CPNE9: variants seen among roughly 807,000 people sequenced by gnomAD.
The protein encoded by CPNE9 is copine-9.
Under a neutral mutation model 83.0 loss-of-function variants are expected in CPNE9, and 59 were observed. The ratio of observed to expected loss-of-function variants is 0.71; its 90% CI spans 0.58 to 0.88. CPNE9 has a LOEUF of 0.88. CPNE9 is among the 40% of genes least tolerant of loss of function. CPNE9 has a pLI of 0.00. For synonymous variants in CPNE9, 256 were observed against 273.4 expected, an observed-to-expected ratio of 0.94 and a Z score of 0.63; for missense variants, 619 against 720.8, an observed-to-expected ratio of 0.86 and a Z score of 1.62.
At position 9,715,530 on chromosome 3, in the gene CPNE9, A is replaced by C. The variant is rs2076674571; in HGVS notation, c.822+4A>C. 2 of 1,612,924 alleles carry C rather than the reference A, an allele frequency of 1.2e-6. No homozygotes were observed. The highest frequency in any genetic ancestry group is 2.2e-5 in the South Asian group (2 of 91,070). On this transcript the variant is annotated splice_donor_region_variant and intron_variant, in intron 13 of 20. Transcript: ENST00000383832. ...GAAATATGTCAACTCAGGAACTGTG[A>C]GTGCTCCCTAGAGCCGTGGCCCTCC...
chr3:9,708,870 A>G (rs1040670961), intron 7 of CPNE9, among the ~76,000 whole-genome samples: 1 of 151,318 alleles, frequency 6.6e-6, no homozygotes, highest in Non-Finnish European at 1.5e-5. Context: ...TCCTGACCTC[A>G]TGATCCGCCC....
intron 14 of CPNE9, among the ~76,000 whole-genome samples, chr3:9,716,716 C>A (rs1242012338): frequency 4.6e-5 from 7 of 152,236 alleles, no homozygotes; most frequent in Admixed American, 4.6e-4. Flanking sequence ...AGGTGATCCA[C>A]CCTCCTCAGC....
chr3:9,729,456 T>C, intron 20 of CPNE9, 51 bp from the exon 21 acceptor site: 1 of 1,549,840 alleles, frequency 6.5e-7, no homozygotes, highest in South Asian at 1.2e-5. Context: ...TGCACCCCCA[T>C]GCCCTCTCTC....
chr3:9,711,439 G>T (rs2076627179), intron 7 of CPNE9, among the ~76,000 whole-genome samples: 1 of 151,844 alleles, frequency 6.6e-6, no homozygotes, highest in South Asian at 2.1e-4. Flanking sequence ...CTGGTCTCGA[G>T]CTCCCGACCT....
chr3:9,713,203 TG>T, intron 10 of CPNE9, 124 bp downstream of exon 10: 1 of 737,258 alleles, frequency 1.4e-6, no homozygotes, highest in Non-Finnish European at 2.3e-6. Context: ...AGACAGAGTT[TG>T]GGGCATGAGG....
In CPNE9 at chr3:9,714,508, T is replaced by G. The variant is rs920863506; in HGVS notation, c.651-406T>G. 1.1e-4 allele frequency among the ~76,000 whole-genome samples: 17 copies of G among 151,760 alleles called. 1 individual carries two copies. Among genetic ancestry groups the G allele is most frequent in the Admixed American group, 7.9e-4 (12 of 15,242 alleles). ...CTTAGCCAAATTACTTTTTTTTTTT[T>G]GTATCTCAATTTCCTTATCCCAAAA... is the stretch of plus-strand genomic sequence containing the variant. On this transcript the variant is annotated intron_variant, in intron 10 of 20. Coordinates refer to ENST00000383832, the MANE Select transcript of CPNE9 (RefSeq NM_153635.3).
intron 10 of CPNE9, 96 bp from the exon 11 acceptor site, chr3:9,714,818 G>A: frequency 9.8e-7 from 1 of 1,019,934 alleles, no homozygotes; most frequent in Non-Finnish European, 1.5e-6. Context: ...AGACAGATGG[G>A]TGGATGGGGA....
chr3:9,721,150 A>G (rs1047465963), intron 17 of CPNE9, among the ~76,000 whole-genome samples: 3 of 152,216 alleles, frequency 2.0e-5, no homozygotes, highest in African/African-American at 7.2e-5. Flanking sequence ...GATGAATCAG[A>G]TCTAGTCCCT....
chr3:9,710,871 A>T (rs977984768), intron 7 of CPNE9, among the ~76,000 whole-genome samples: 2 of 152,040 alleles, frequency 1.3e-5, no homozygotes, highest in African/African-American at 4.8e-5. Context: ...AAAAAGTAAA[A>T]ATTTTAAAAT....
At chr3:9,713,153 G>T in intron 10 of CPNE9, 74 bp downstream of exon 10, 1 of 1,122,148 alleles carries the variant, frequency 8.9e-7, no homozygotes, top group Non-Finnish European at 1.3e-6. Context: ...AAGAATGATA[G>T]TAGAAGTATC....
In CPNE9 at chr3:9,728,769, T is replaced by G. The variant is rs1188220197; in HGVS notation, c.1477-738T>G. On this transcript the variant is annotated intron_variant, in intron 20 of 20. Coordinates refer to ENST00000383832, the MANE Select transcript of CPNE9 (RefSeq NM_153635.3). ...CAGCCCCTCTCCCCCCACATCTCAT[T>G]TCTTCTCCTCTCCCTAAGTCCCTCT... Among the ~76,000 whole-genome samples, 3 of 151,634 alleles carry G rather than the reference T, an allele frequency of 2.0e-5. No homozygotes were observed. In the East Asian group the frequency reaches 5.8e-4, roughly 29 times the overall value.
rs1253991696 is a variant in CPNE9 at position 9,704,458 on chromosome 3, T to TG, written c.69-124dup. ...GAGTGCTGACAGAGCGGACCCCGGC[T>TG]GGGGGTAGCCATGGGGGACAGAGGT... is the stretch of plus-strand genomic sequence containing the variant. On this transcript the variant is annotated intron_variant, in intron 1 of 20. Coordinates refer to ENST00000383832, the MANE Select transcript of CPNE9 (RefSeq NM_153635.3). This position sits in a 1 kb window ranked among gnomAD's most constrained non-coding sequence, Gnocchi z 7.1. The TG allele has an allele frequency of 1.3e-5, 11 of 832,296 alleles. No homozygotes were observed. In the East Asian group the frequency reaches 2.2e-4, roughly 16 times the overall value. The allele number at this position is 832,296 out of a possible 1,614,324, so 51.6% of individuals were successfully genotyped here. A position where few individuals can be genotyped will look rare whatever the true frequency, so the allele number is the denominator to read the frequency against.
Position 9,705,970 on chromosome 3 carries a change from C to T in CPNE9, c.301-17C>T. On this transcript the variant is annotated splice_polypyrimidine_tract_variant and intron_variant, in intron 6 of 20. Transcript: ENST00000383832. ...ACTCAAGAGCTTCTGGTCTTGCTGA[C>T]TCCTTGTCCTGCATAGGATTTCCTG... 6.2e-7 allele frequency: 1 copy of T among 1,612,334 alleles called. No individual in the cohort carries two copies. The highest frequency in any genetic ancestry group is 1.1e-5 in the South Asian group (1 of 91,074).
At chr3:9,705,321 C>A (rs1333435040) in intron 4 of CPNE9, 143 bp from the exon 5 acceptor site, 4 of 694,064 alleles carry the variant, frequency 5.8e-6, no homozygotes, top group Non-Finnish European at 1.0e-5. Context: ...CCTGACTCCT[C>A]CCCAAAAGGA....
intron 17 of CPNE9, among the ~76,000 whole-genome samples, chr3:9,720,760 A>G (rs2076726914): frequency 6.6e-6 from 1 of 152,152 alleles, no homozygotes; most frequent in Admixed American, 6.5e-5. Flanking sequence ...TATCTTATGC[A>G]ACTACACTAA....
intron 17 of CPNE9, among the ~76,000 whole-genome samples, chr3:9,725,649 T>C (rs1254483883): frequency 8.8e-6 from 1 of 113,364 alleles, no homozygotes; most frequent in Non-Finnish European, 1.7e-5. Context: ...TGTATGTGTA[T>C]ATATGTGTAT....
At chr3:9,727,717 G>A (rs1559647555) in intron 20 of CPNE9, among the ~76,000 whole-genome samples, 1 of 152,190 alleles carries the variant, frequency 6.6e-6, no homozygotes, top group Non-Finnish European at 1.5e-5. Flanking sequence ...TTGGGGGTAT[G>A]TTAGAATTGG....
chr3:9,725,698 G>GTATATATGTATATATATATA (rs1489780475), intron 17 of CPNE9, among the ~76,000 whole-genome samples: 2 of 105,620 alleles, frequency 1.9e-5, no homozygotes, highest in East Asian at 4.1e-4. Context: ...ACATATATGT[G>GTATATATGTATATATATATA]TATATATGTG....
chr3:9,707,610 T>A (rs1432176068), intron 7 of CPNE9, among the ~76,000 whole-genome samples: 1 of 149,940 alleles, frequency 6.7e-6, no homozygotes. Flanking sequence ...TGACACAAAC[T>A]GAGATAGTAG....
Sources: allele counts gnomAD v4.1 joint callset (sites outside exome capture counted in the v4.1 genomes callset), GRCh38; gene constraint gnomAD v4.1.1; non-coding constraint Gnocchi (gnomAD v3.1); transcripts MANE v1.5; gene names NCBI Gene and HGNC (gene_info 2026-07-23, HGNC 2026-07-21).